KIF3A: variants seen among roughly 807,000 people sequenced by gnomAD.
KIF3A encodes the protein kinesin-like protein KIF3A.
In KIF3A, 27 loss-of-function variants were observed where a neutral mutation model predicts 92.6. The ratio of observed to expected loss-of-function variants is 0.29; its 90% CI spans 0.21 to 0.40. KIF3A has a LOEUF of 0.40. Ranked by LOEUF, KIF3A falls within the 10% of genes least tolerant of loss-of-function variation. The pLI, the probability that KIF3A is intolerant of heterozygous loss-of-function variation, is 1.00. For synonymous variants in KIF3A, 250 were observed against 275.4 expected (o/e 0.91, Z 0.92); for missense variants, 581 against 872.6 (o/e 0.67, Z 4.21).
intron 8 of KIF3A, among the ~76,000 whole-genome samples, chr5:132,713,856 A>G (rs1753516082): frequency 6.6e-6 from 1 of 151,416 alleles, no homozygotes; most frequent in Admixed American, 6.6e-5. Flanking sequence ...GAAATAAGCC[A>G]GTCACAAAAA....
intron 6 of KIF3A, 58 bp downstream of exon 6, chr5:132,716,787 T>G (rs1753640423): frequency 3.2e-6 from 5 of 1,554,466 alleles, no homozygotes; most frequent in Admixed American, 3.9e-5. Flanking sequence ...TTCATTCATT[T>G]ATAAAATAAA....
intron 1 of KIF3A, among the ~76,000 whole-genome samples, chr5:132,734,786 T>C (rs1257029340): frequency 4.6e-5 from 7 of 152,186 alleles, no homozygotes; most frequent in Non-Finnish European, 1.0e-4. Flanking sequence ...TGCACAAAAG[T>C]CTCTGACCCA....
chr5:132,704,517 T>G (rs973981201), intron 11 of KIF3A, among the ~76,000 whole-genome samples: 1 of 151,970 alleles, frequency 6.6e-6, no homozygotes, highest in Non-Finnish European at 1.5e-5. Context: ...AAAGAAAGTT[T>G]ATTAATGAAT....
chr5:132,727,862 CA>C (rs1474544660), intron 2 of KIF3A, among the ~76,000 whole-genome samples: 17 of 152,138 alleles, frequency 1.1e-4, no homozygotes, highest in African/African-American at 4.1e-4. Flanking sequence ...AACGGTTCCT[CA>C]ACTAATACTA....
At chr5:132,735,436 A>G (rs1416860985) in intron 1 of KIF3A, among the ~76,000 whole-genome samples, 1 of 152,238 alleles carries the variant, frequency 6.6e-6, no homozygotes, top group Non-Finnish European at 1.5e-5. Context: ...TGAAGTGAAA[A>G]GGACAGTTTA....
At chr5:132,724,812 T>A (rs1447296073) in intron 4 of KIF3A, among the ~76,000 whole-genome samples, 2,498 of 12,024 alleles carry the variant, frequency 0.21, 270 homozygotes, top group East Asian at 0.31. Context: ...AAAAAATATA[T>A]ATATATATAT....
intron 6 of KIF3A, 57 bp from the exon 7 acceptor site, chr5:132,716,499 T>G: frequency 4.7e-5 from 61 of 1,297,464 alleles, no homozygotes; most frequent in Non-Finnish European, 5.8e-5. Context: ...TAGAATATTC[T>G]TCCCAAGGTT....
In KIF3A at chr5:132,700,640, T is replaced by C. The variant is rs1753005160; in HGVS notation, c.1938+7A>G. 2 of 1,551,256 alleles carry C rather than the reference T, an allele frequency of 1.3e-6. No homozygotes were observed. The highest frequency in any genetic ancestry group is 1.7e-5 in the Admixed American group (1 of 59,798). On this transcript the variant is annotated splice_region_variant and intron_variant, in intron 16 of 18. Coordinates refer to ENST00000403231, the MANE Select transcript of KIF3A (RefSeq NM_001300791.2). ...TTATTACGTGAAAGAATGAAGGTAA[T>C]ACTCACTAGCTGCCATTCTCCTATG...
chr5:132,727,768 T>C (rs1754083070), intron 2 of KIF3A, among the ~76,000 whole-genome samples: 3 of 152,198 alleles, frequency 2.0e-5, no homozygotes, highest in South Asian at 4.1e-4. Context: ...CAAGGGTCGA[T>C]GTGGGGAAAC....
Position 132,702,738 on chromosome 5 carries a change from T to C in KIF3A, c.1648-70A>G. ...ATCAAATATCTAATTCTTTAACAAA[T>C]GACATAAATGTTTAGCAAATCTGAT... On this transcript the variant is annotated intron_variant, in intron 13 of 18. Coordinates refer to ENST00000403231, the MANE Select transcript of KIF3A (RefSeq NM_001300791.2). 3.0e-6 allele frequency: 4 copies of C among 1,331,834 alleles called. No individual in the cohort carries two copies. In the South Asian group the frequency reaches 5.0e-5, roughly 17 times the overall value. 82.5% of individuals were successfully genotyped at this position (1,331,834 alleles called of 1,614,324 possible).
intron 6 of KIF3A, 79 bp downstream of exon 6, chr5:132,716,766 T>C (rs1753639706): frequency 6.9e-7 from 1 of 1,447,796 alleles, no homozygotes; most frequent in Non-Finnish European, 9.6e-7. Context: ...TCATACCTTT[T>C]CACTTTAATT....
intron 2 of KIF3A, among the ~76,000 whole-genome samples, chr5:132,733,211 C>T (rs150932112): frequency 3.2e-3 from 484 of 152,134 alleles, no homozygotes; most frequent in Non-Finnish European, 5.4e-3. Flanking sequence ...GACAGCTGTA[C>T]GACATTGTAA....
At chr5:132,690,777 A>T (rs982142527), downstream of KIF3A, among the ~76,000 whole-genome samples, 6 of 151,960 alleles carry the variant, frequency 3.9e-5, no homozygotes, top group African/African-American at 1.5e-4. Context: ...AATACAAAAA[A>T]TTAGCCGGGC....
chr5:132,707,303 T>C (rs1463237447), intron 10 of KIF3A, among the ~76,000 whole-genome samples: 1 of 152,048 alleles, frequency 6.6e-6, no homozygotes, highest in Non-Finnish European at 1.5e-5. Flanking sequence ...AAAAGGCCAT[T>C]GAGATATTTA....
chr5:132,723,035 A>G (rs1317897272), intron 4 of KIF3A: 2 of 152,178 alleles, frequency 1.3e-5, no homozygotes, highest in Non-Finnish European at 2.9e-5. Flanking sequence ...AGATTTTATT[A>G]ATGTCACATA....
chr5:132,737,028 C>T (rs1754415866), intron 1 of KIF3A: 3 of 369,308 alleles, frequency 8.1e-6, no homozygotes, highest in Non-Finnish European at 1.5e-5. Context: ...CCTGCGCTTG[C>T]TCCGAGGCGC....
At chr5:132,732,899 A>C (rs545743849) in intron 2 of KIF3A, among the ~76,000 whole-genome samples, 38 of 149,958 alleles carry the variant, frequency 2.5e-4, no homozygotes, top group Middle Eastern at 6.9e-3. Context: ...ACAGAGCAAG[A>C]CTCCGTCTCC....
chr5:132,693,286 C>T lies in KIF3A; in HGVS notation c.*3348G>A, dbSNP rs563052233. 9 of 152,326 alleles carry T rather than the reference C, an allele frequency of 5.9e-5. No homozygotes were observed. The highest frequency in any genetic ancestry group is 1.2e-4 in the Non-Finnish European group (8 of 68,010). The allele number at this position is 152,326 out of a possible 1,614,324, so 9.4% of individuals were successfully genotyped here. On this transcript the variant is annotated 3_prime_UTR_variant, in exon 19 of 19. Coordinates refer to ENST00000403231, the MANE Select transcript of KIF3A (RefSeq NM_001300791.2). ...CCTTCCCTTGATTACTCATCTCATGCTTTATAAGAATCTAAACACAAATAG... is the reference window on the plus strand; with the variant it reads ...CCTTCCCTTGATTACTCATCTCATGTTTTATAAGAATCTAAACACAAATAG...
downstream of KIF3A, among the ~76,000 whole-genome samples, chr5:132,690,909 A>C (rs1752647902): frequency 6.6e-6 from 1 of 152,250 alleles, no homozygotes; most frequent in Non-Finnish European, 1.5e-5. Context: ...CCTGGGCAAC[A>C]GATCAAGACT....
Sources: gnomAD v4.1 joint callset for allele counts (sites outside exome capture counted in the v4.1 genomes callset) on GRCh38, gnomAD v4.1.1 for gene constraint, MANE v1.5 for transcripts, NCBI Gene and HGNC (gene_info 2026-07-23, HGNC 2026-07-21) for gene names.